PRKCH: variants seen among roughly 807,000 people sequenced by gnomAD.
PRKCH encodes protein kinase C eta type.
Under a neutral mutation model 82.5 loss-of-function variants are expected in PRKCH, and 28 were observed. That is an observed-to-expected ratio of 0.34 (90% confidence interval 0.25 to 0.47). The LOEUF is 0.47. Ranked by LOEUF, PRKCH falls within the 20% of genes least tolerant of loss-of-function variation. The pLI is 1.00. For synonymous variants in PRKCH, 322 were observed against 327.4 expected, an observed-to-expected ratio of 0.98 and a Z score of 0.18; for missense variants, 705 against 881.8, an observed-to-expected ratio of 0.80 and a Z score of 2.54.
intron 1 of PRKCH, chr14:61,303,546 T>G (rs2045462913): frequency 1.3e-5 from 2 of 152,144 alleles, no homozygotes; most frequent in African/African-American, 2.4e-5. Context: ...TTTCCCTTCC[T>G]TTTACTTTCA....
At chr14:61,407,095 G>A (rs1013603577) in intron 2 of PRKCH, among the ~76,000 whole-genome samples, 3 of 152,166 alleles carry the variant, frequency 2.0e-5, no homozygotes, top group Non-Finnish European at 4.4e-5. Context: ...TGGTGGGCAG[G>A]AATAGGGTAG....
At chr14:61,314,151 C>T (rs778534801) in intron 1 of PRKCH, among the ~76,000 whole-genome samples, 1 of 151,750 alleles carries the variant, frequency 6.6e-6, no homozygotes, top group Non-Finnish European at 1.5e-5. Context: ...ATTTGGCTCC[C>T]CTAAATAATT....
At chr14:61,422,995 T>A (rs1222678164) in intron 2 of PRKCH, among the ~76,000 whole-genome samples, 2 of 152,230 alleles carry the variant, frequency 1.3e-5, no homozygotes, top group Non-Finnish European at 2.9e-5. Flanking sequence ...CCGGTATAAA[T>A]TTGCTATGCT....
At chr14:61,403,257 G>C (rs1881748715) in intron 2 of PRKCH, among the ~76,000 whole-genome samples, 1 of 152,012 alleles carries the variant, frequency 6.6e-6, no homozygotes, top group Admixed American at 6.5e-5. Flanking sequence ...TCCATTCAAA[G>C]GGGTACTTGG....
At chr14:61,396,342 A>T (rs937637989) in intron 2 of PRKCH, among the ~76,000 whole-genome samples, 1 of 152,140 alleles carries the variant, frequency 6.6e-6, no homozygotes, top group African/African-American at 2.4e-5. Context: ...TTAATTTTTC[A>T]TTAATTATAC....
chr14:61,309,431 A>G (rs1330660011), intron 1 of PRKCH, among the ~76,000 whole-genome samples: 2 of 152,198 alleles, frequency 1.3e-5, no homozygotes, highest in African/African-American at 4.8e-5. Flanking sequence ...AATGGAAGGG[A>G]AAGTGAGCAG....
At chr14:61,356,914 T>C (rs1184445684) in intron 1 of PRKCH, among the ~76,000 whole-genome samples, 1 of 152,234 alleles carries the variant, frequency 6.6e-6, no homozygotes. Context: ...ACTCCTGACT[T>C]CAGGTGATCT....
chr14:61,196,299 G>A (rs1335587863), intron 1 of PRKCH, among the ~76,000 whole-genome samples: 1 of 152,176 alleles, frequency 6.6e-6, no homozygotes, highest in East Asian at 1.9e-4. Context: ...AGGGTAAAAG[G>A]TGGAAATATG....
At chr14:61,449,856 G>GTCTCTCTCTCTCTCTCTC (rs149977373) in intron 5 of PRKCH, among the ~76,000 whole-genome samples, 14 of 142,400 alleles carry the variant, frequency 9.8e-5, no homozygotes, top group African/African-American at 3.3e-4. Context: ...CAGGGAAGAT[G>GTCTCTCTCTCTCTCTCTC]TCTCTCTCTC....
At chr14:61,464,575 T>C (rs1164188331) in intron 9 of PRKCH, among the ~76,000 whole-genome samples, 1 of 152,192 alleles carries the variant, frequency 6.6e-6, no homozygotes, top group Admixed American at 6.5e-5. Context: ...CAACAGGCTC[T>C]GGCATGTGAT....
At chr14:61,406,891 T>C (rs1327905572) in intron 2 of PRKCH, among the ~76,000 whole-genome samples, 2 of 152,134 alleles carry the variant, frequency 1.3e-5, no homozygotes, top group African/African-American at 2.4e-5. Flanking sequence ...CTCCTCTTTG[T>C]TGGTGATGAA....
intron 10 of PRKCH, among the ~76,000 whole-genome samples, chr14:61,526,102 C>T (rs913583263): frequency 2.0e-5 from 3 of 152,176 alleles, no homozygotes; most frequent in African/African-American, 4.8e-5. Flanking sequence ...CCCCTGCTCC[C>T]GTCCTGCGCT....
At chr14:61,530,353 A>T in intron 11 of PRKCH, 54 bp from the exon 12 acceptor site, 1 of 1,432,364 alleles carries the variant, frequency 7.0e-7, no homozygotes, top group Non-Finnish European at 9.2e-7. Context: ...TATGAAGAAC[A>T]CATTTGTTAA....
At chr14:61,240,205 C>CAAGAAAG (rs1315701076) in intron 1 of PRKCH, among the ~76,000 whole-genome samples, 6 of 151,970 alleles carry the variant, frequency 3.9e-5, no homozygotes, top group Non-Finnish European at 5.9e-5. Flanking sequence ...GTTTAATAGG[C>CAAGAAAG]AAGAAAGAAG....
At chr14:61,545,900 CTGTT>C (rs1414685059) in intron 12 of PRKCH, among the ~76,000 whole-genome samples, 1 of 152,214 alleles carries the variant, frequency 6.6e-6, no homozygotes, top group Non-Finnish European at 1.5e-5. Context: ...GAGTCCTGCA[CTGTT>C]TGTCTTGCCC....
At chr14:61,473,534 G>A (rs1885596822) in intron 9 of PRKCH, among the ~76,000 whole-genome samples, 2 of 152,188 alleles carry the variant, frequency 1.3e-5, no homozygotes, top group Non-Finnish European at 2.9e-5. Flanking sequence ...TTTTAAGTGG[G>A]AATGGCCAGG....
chr14:61,292,385 G>A (rs1220445986), intron 1 of PRKCH, among the ~76,000 whole-genome samples: 1 of 152,118 alleles, frequency 6.6e-6, no homozygotes, highest in African/African-American at 2.4e-5. Context: ...GGAAGGCTGA[G>A]ATGGGAGGAT....
chr14:61,280,118 C>A lies in PRKCH; in HGVS notation c.-19+92450C>A. On this transcript the variant is annotated intron_variant, in intron 1 of 3. Coordinates refer to the PRKCH transcript ENST00000555185. The surrounding 1 kb of genome is among the most constrained non-coding windows in gnomAD (Gnocchi z 5.0). ...CACTCCTCGTCGTCGTCGTCCTGGT[C>A]CTGGTAGCGAATGTAGACGACCAGC... The A allele has an allele frequency of 6.2e-7, 1 of 1,613,268 alleles. No homozygotes were observed. The highest frequency in any genetic ancestry group is 8.5e-7 in the Non-Finnish European group (1 of 1,179,576).
intron 9 of PRKCH, among the ~76,000 whole-genome samples, chr14:61,482,159 T>C (rs1886006653): frequency 6.6e-6 from 1 of 151,606 alleles, no homozygotes; most frequent in Admixed American, 6.6e-5. Context: ...CATGCCCAGC[T>C]AATTTTCTTG....
Sources: gnomAD v4.1 joint callset for allele counts (sites outside exome capture counted in the v4.1 genomes callset) on GRCh38, gnomAD v4.1.1 for gene constraint, Gnocchi (gnomAD v3.1) non-coding constraint, MANE v1.5 for transcripts, NCBI Gene and HGNC (gene_info 2026-07-23, HGNC 2026-07-21) for gene names.